Variants in EPHA6 observed in about 807,000 individuals in gnomAD.
The protein encoded by EPHA6 is EPH receptor A6, also known as ephrin type-A receptor 6.
A neutral mutation model predicts 112.0 loss-of-function variants in EPHA6; 50 were observed. That is an observed-to-expected ratio of 0.45 (90% confidence interval 0.36 to 0.56). EPHA6 has a LOEUF of 0.56. EPHA6 is among the 20% of genes least tolerant of loss of function. The pLI, the probability that EPHA6 is intolerant of heterozygous loss-of-function variation, is 0.00. For synonymous variants in EPHA6, 529 were observed against 490.7 expected, an observed-to-expected ratio of 1.08 and a Z score of -1.03; for missense variants, 1,280 against 1,417.4, an observed-to-expected ratio of 0.90 and a Z score of 1.56.
At chr3:97,077,725 A>G (rs920650590) in intron 3 of EPHA6, among the ~76,000 whole-genome samples, 3 of 152,046 alleles carry the variant, frequency 2.0e-5, no homozygotes, top group Non-Finnish European at 4.4e-5. Context: ...ACATGAACTC[A>G]TCCTTTTTTA....
chr3:97,418,109 C>G (rs1577320480), intron 6 of EPHA6, among the ~76,000 whole-genome samples: 1 of 151,278 alleles, frequency 6.6e-6, no homozygotes, highest in Admixed American at 6.6e-5. Context: ...GAAGAATAAG[C>G]AGATTGGGGG....
chr3:97,745,269 C>T (rs1057155684), intron 16 of EPHA6: 7 of 367,868 alleles, frequency 1.9e-5, no homozygotes, highest in Non-Finnish European at 3.2e-5. Context: ...CTCTAGGAAA[C>T]TTTGAATAAA....
intron 3 of EPHA6, among the ~76,000 whole-genome samples, chr3:97,194,150 A>G (rs1377563699): frequency 6.6e-6 from 1 of 151,858 alleles, no homozygotes; most frequent in African/African-American, 2.4e-5. Context: ...TTTAGTTTGT[A>G]GAGTTAGGCT....
rs192264121 is a variant in EPHA6 at position 96,821,701 on chromosome 3, G to T, written c.385+6693G>T. 6.1e-4 allele frequency among the ~76,000 whole-genome samples: 92 copies of T among 151,782 alleles called. 1 individual carries two copies. Among genetic ancestry groups the T allele is most frequent in the Non-Finnish European group, 1.1e-3 (75 of 67,764 alleles). On this transcript the variant is annotated intron_variant, in intron 1 of 17. Transcript: ENST00000389672. Reference sequence around the variant, plus strand: ...GTATAAAAGCTTTAAAAATGTATTTGTTATATGACAGTGTATACCAATTAA... The same window carrying T: ...GTATAAAAGCTTTAAAAATGTATTTTTTATATGACAGTGTATACCAATTAA...
At chr3:97,523,077 G>A (rs1477562693) in intron 10 of EPHA6, among the ~76,000 whole-genome samples, 1 of 151,806 alleles carries the variant, frequency 6.6e-6, no homozygotes, top group Non-Finnish European at 1.5e-5. Context: ...CTAACTTCAT[G>A]CTTTGTTTGT....
intron 3 of EPHA6, among the ~76,000 whole-genome samples, chr3:97,200,207 T>C (rs1299033871): frequency 6.6e-6 from 1 of 152,084 alleles, no homozygotes; most frequent in Non-Finnish European, 1.5e-5. Context: ...TTGATAGTGA[T>C]ATTAAAGAGC....
chr3:97,042,756 A>C (rs2045361904), intron 3 of EPHA6, among the ~76,000 whole-genome samples: 1 of 152,150 alleles, frequency 6.6e-6, no homozygotes, highest in Non-Finnish European at 1.5e-5. Flanking sequence ...TATGAGTAGA[A>C]GAGCATACAC....
At chr3:97,020,697 T>C (rs2044427189) in intron 3 of EPHA6, among the ~76,000 whole-genome samples, 1 of 152,156 alleles carries the variant, frequency 6.6e-6, no homozygotes, top group African/African-American at 2.4e-5. Context: ...CAGTAACTTC[T>C]CCTAGCCATT....
At chr3:97,385,594 A>G (rs1482310840) in intron 5 of EPHA6, among the ~76,000 whole-genome samples, 1 of 152,144 alleles carries the variant, frequency 6.6e-6, no homozygotes, top group African/African-American at 2.4e-5. Flanking sequence ...AATGCCTCCA[A>G]ATATTTCTTT....
intron 3 of EPHA6, among the ~76,000 whole-genome samples, chr3:97,059,844 G>A (rs752023318): frequency 2.6e-5 from 4 of 151,910 alleles, no homozygotes; most frequent in South Asian, 2.1e-4. Context: ...ATGGCTGGGC[G>A]CAGTGGCTCA....
intron 1 of EPHA6, among the ~76,000 whole-genome samples, chr3:96,836,970 A>C (rs754398766): frequency 2.0e-5 from 3 of 152,168 alleles, no homozygotes; most frequent in Admixed American, 6.6e-5. Flanking sequence ...TGAGACACCC[A>C]GAGATTAAGT....
intron 5 of EPHA6, among the ~76,000 whole-genome samples, chr3:97,363,211 TA>T (rs2108944204): frequency 1.3e-5 from 1 of 76,686 alleles, no homozygotes; most frequent in South Asian, 3.6e-4. Flanking sequence ...TATATATATA[TA>T]TATATATATA....
chr3:97,753,980 G>A lies in EPHA6; in HGVS notation c.*5279G>A, dbSNP rs896397761. ...ATTAAAAGATCCAGAAAAAGATACA[G>A]GTCATCAAAATGTAGTTTTAACAAA... On this transcript the variant is annotated 3_prime_UTR_variant, in exon 18 of 18. Transcript: ENST00000389672. Among the ~76,000 whole-genome samples, 2 of 151,476 alleles carry A rather than the reference G, an allele frequency of 1.3e-5. No individual in the cohort carries two copies. Among genetic ancestry groups the A allele is most frequent in the East Asian group, 3.9e-4 (2 of 5,150 alleles).
chr3:96,879,896 G>A (rs2037205869), intron 2 of EPHA6, among the ~76,000 whole-genome samples: 1 of 152,036 alleles, frequency 6.6e-6, no homozygotes, highest in African/African-American at 2.4e-5. Context: ...AAATACAAGA[G>A]TCTTTTGGAG....
chr3:96,943,362 A>G (rs2041082438), intron 2 of EPHA6, among the ~76,000 whole-genome samples: 1 of 152,216 alleles, frequency 6.6e-6, no homozygotes, highest in Non-Finnish European at 1.5e-5. Flanking sequence ...TATACAGTGT[A>G]TACATATATC....
intron 3 of EPHA6, among the ~76,000 whole-genome samples, chr3:97,066,567 G>T (rs931836975): frequency 4.6e-5 from 7 of 152,130 alleles, no homozygotes. Context: ...CAAATGGGAT[G>T]AGTTTCTGCT....
intron 5 of EPHA6, among the ~76,000 whole-genome samples, chr3:97,342,206 G>C (rs1022531276): frequency 2.6e-5 from 4 of 152,118 alleles, no homozygotes; most frequent in Non-Finnish European, 5.9e-5. Flanking sequence ...TATGGCTTCT[G>C]TGTGTTTTTA....
At chr3:96,941,200 A>G (rs913020075) in intron 2 of EPHA6, among the ~76,000 whole-genome samples, 9 of 152,148 alleles carry the variant, frequency 5.9e-5, no homozygotes, top group African/African-American at 1.4e-4. Flanking sequence ...GTGTTTTCCA[A>G]CTTGGTTCCA....
intron 5 of EPHA6, among the ~76,000 whole-genome samples, chr3:97,365,884 G>A (rs1025101785): frequency 1.3e-5 from 2 of 152,012 alleles, no homozygotes; most frequent in East Asian, 1.9e-4. Context: ...GGTTTGCTTT[G>A]GTTTTCAACA....
Sources: allele counts gnomAD v4.1 joint callset (sites outside exome capture counted in the v4.1 genomes callset), GRCh38; gene constraint gnomAD v4.1.1; transcripts MANE v1.5; gene names NCBI Gene and HGNC (gene_info 2026-07-23, HGNC 2026-07-21).